The following TRPM3 variants were observed in gnomAD, a reference collection of about 807,000 sequenced individuals.
TRPM3 encodes transient receptor potential cation channel subfamily M member 3, also known as long transient receptor potential channel 3.
A neutral mutation model predicts 181.2 loss-of-function variants in TRPM3; 77 were observed. The ratio of observed to expected loss-of-function variants is 0.42; its 90% confidence interval spans 0.35 to 0.51. The LOEUF is 0.51. TRPM3 is among the 20% of genes least tolerant of loss of function. The probability of loss-of-function intolerance (pLI) is 0.01; values close to 1 mark genes in which losing one functional copy is unlikely to be tolerated. For missense variants in TRPM3, 1,759 were observed against 2,196.7 expected (o/e 0.80, Z 3.98); for synonymous variants, 745 against 796.4 (o/e 0.94, Z 1.09).
chr9:70,845,699 C>T (rs76069789), intron 4 of TRPM3, among the ~76,000 whole-genome samples: 1,601 of 152,306 alleles, frequency 0.011, 18 homozygotes, highest in African/African-American at 0.035. Flanking sequence ...CCTCAGACTT[C>T]AGGCTGGGGG....
At chr9:71,352,595 G>A (rs1036319605) in intron 1 of TRPM3, among the ~76,000 whole-genome samples, 1 of 152,142 alleles carries the variant, frequency 6.6e-6, no homozygotes, top group Non-Finnish European at 1.5e-5. Flanking sequence ...GCAAAAGAAA[G>A]CACCTAAATG....
intron 6 of TRPM3, among the ~76,000 whole-genome samples, chr9:70,803,455 T>TG (rs936045551): frequency 6.1e-5 from 9 of 148,052 alleles, no homozygotes; most frequent in South Asian, 4.3e-4. Context: ...TTTGTTGTTT[T>TG]TTTTTTTTTT....
intron 7 of TRPM3, chr9:70,775,305 GA>G (rs1465894591): frequency 7.9e-5 from 12 of 152,180 alleles, no homozygotes; most frequent in Admixed American, 7.9e-4. Flanking sequence ...AAACTTCAGA[GA>G]AAAATTTACT....
At chr9:70,571,492 G>A (rs543116168) in intron 22 of TRPM3, among the ~76,000 whole-genome samples, 9 of 152,150 alleles carry the variant, frequency 5.9e-5, no homozygotes, top group South Asian at 4.1e-4. Flanking sequence ...CCAACCCCGC[G>A]TCTCAAATAG....
chr9:71,288,477 A>G (rs547994385), intron 1 of TRPM3, among the ~76,000 whole-genome samples: 1 of 152,310 alleles, frequency 6.6e-6, no homozygotes, highest in Non-Finnish European at 1.5e-5. Flanking sequence ...CTATTGAAAA[A>G]TATATACGTT....
At chr9:70,946,982 A>G (rs2096940620) in intron 1 of TRPM3, among the ~76,000 whole-genome samples, 1 of 152,210 alleles carries the variant, frequency 6.6e-6, no homozygotes, top group Non-Finnish European at 1.5e-5. Flanking sequence ...ACACTTTTGA[A>G]TAGTTCCTAG....
intron 1 of TRPM3, among the ~76,000 whole-genome samples, chr9:71,431,536 A>G (rs557552422): frequency 4.6e-5 from 7 of 152,292 alleles, no homozygotes; most frequent in African/African-American, 1.7e-4. Flanking sequence ...TTCAAGAAGA[A>G]ATCATCTTTG....
Position 70,635,190 on chromosome 9 carries a change from TGCAGTCGA to T in TRPM3, c.1632+13_1632+20del. 1 of 1,612,060 alleles carries T rather than the reference TGCAGTCGA, an allele frequency of 6.2e-7. No homozygotes were observed. Among genetic ancestry groups the T allele is most frequent in the Non-Finnish European group, 8.5e-7 (1 of 1,178,302 alleles). ...AGCAGTCAAGACAGGGCCTCCGACCTGCAGTCGAGAGGGTTCTTACCTTTTTGACATCC... is the reference window on the plus strand; with the variant it reads ...AGCAGTCAAGACAGGGCCTCCGACCTGAGGGTTCTTACCTTTTTGACATCC... On this transcript the variant is annotated intron_variant, in intron 12 of 25. Coordinates refer to ENST00000677713, the MANE Select transcript of TRPM3 (RefSeq NM_001366145.2).
At chr9:70,571,925 C>T (rs935421246) in intron 22 of TRPM3, among the ~76,000 whole-genome samples, 1 of 152,206 alleles carries the variant, frequency 6.6e-6, no homozygotes, top group Non-Finnish European at 1.5e-5. Flanking sequence ...TCTCTGCCCC[C>T]TTGAAGCCTG....
At chr9:70,635,366 C>A in intron 11 of TRPM3, 105 bp from the exon 12 acceptor site, 1 of 846,454 alleles carries the variant, frequency 1.2e-6, no homozygotes, top group East Asian at 2.6e-5. Flanking sequence ...GAGGGCAGTT[C>A]ATTAAGATGG....
At chr9:70,995,727 A>G (rs2097535820) in intron 1 of TRPM3, among the ~76,000 whole-genome samples, 1 of 152,166 alleles carries the variant, frequency 6.6e-6, no homozygotes, top group South Asian at 2.1e-4. Flanking sequence ...AAGATGACAC[A>G]TAAACTCAGC....
intron 20 of TRPM3, among the ~76,000 whole-genome samples, chr9:70,602,436 C>A (rs2060218044): frequency 6.6e-6 from 1 of 152,104 alleles, no homozygotes. Flanking sequence ...CCACCCACTG[C>A]AGTACAGCAA....
chr9:70,631,364 T>C (rs2065832889), intron 12 of TRPM3, among the ~76,000 whole-genome samples: 1 of 107,790 alleles, frequency 9.3e-6, no homozygotes, highest in Non-Finnish European at 1.8e-5. Context: ...GAAATGCCTT[T>C]TTTTTTTTTT....
intron 22 of TRPM3, among the ~76,000 whole-genome samples, chr9:70,558,746 C>T (rs558415378): frequency 4.2e-4 from 64 of 152,224 alleles, no homozygotes; most frequent in African/African-American, 1.3e-3. Flanking sequence ...AAGATTAAGT[C>T]GTAGGGCCTC....
chr9:70,582,103 G>A (rs188936735), intron 22 of TRPM3, among the ~76,000 whole-genome samples: 1 of 151,924 alleles, frequency 6.6e-6, no homozygotes, highest in East Asian at 1.9e-4. Context: ...AAGTTAGCTA[G>A]CTACTTTCAG....
At chr9:70,692,116 G>T (rs1186516302) in intron 8 of TRPM3, among the ~76,000 whole-genome samples, 2 of 152,190 alleles carry the variant, frequency 1.3e-5, no homozygotes, top group Non-Finnish European at 2.9e-5. Context: ...GAAGGGGAGA[G>T]CATATTTGTG....
At chr9:70,842,352 G>A (rs2094726989) in intron 5 of TRPM3, among the ~76,000 whole-genome samples, 1 of 152,070 alleles carries the variant, frequency 6.6e-6, no homozygotes, top group Admixed American at 6.6e-5. Flanking sequence ...TGAGCCCTAT[G>A]ATGACATTTA....
At chr9:71,131,206 A>T (rs1219714692) in intron 1 of TRPM3, among the ~76,000 whole-genome samples, 1 of 152,186 alleles carries the variant, frequency 6.6e-6, no homozygotes, top group Admixed American at 6.5e-5. Flanking sequence ...GGACATTTAC[A>T]TATGCTGTTC....
intron 1 of TRPM3, among the ~76,000 whole-genome samples, chr9:71,111,344 C>G (rs925349806): frequency 2.0e-5 from 3 of 152,156 alleles, no homozygotes; most frequent in Non-Finnish European, 4.4e-5. Context: ...TACGTACCCA[C>G]CCGTTAATAT....
Sources: gnomAD v4.1 joint callset for allele counts (sites outside exome capture counted in the v4.1 genomes callset) on GRCh38, gnomAD v4.1.1 for gene constraint, MANE v1.5 for transcripts, NCBI Gene and HGNC (gene_info 2026-07-23, HGNC 2026-07-21) for gene names.